Variants in ABCA5 observed in about 807,000 individuals in gnomAD.
ABCA5 encodes ATP binding cassette subfamily A member 5.
A neutral mutation model predicts 206.0 loss-of-function variants in ABCA5; 163 were observed. That is an observed-to-expected ratio of 0.79 (90% CI 0.70 to 0.90). The LOEUF is 0.90. Ranked by LOEUF, ABCA5 falls within the 40% of genes least tolerant of loss-of-function variation. The probability of loss-of-function intolerance (pLI) is 0.00; values close to 1 mark genes in which losing one functional copy is unlikely to be tolerated. For missense variants in ABCA5, 1,859 were observed against 1,912.9 expected, an observed-to-expected ratio of 0.97 and a Z score of 0.53; for synonymous variants, 609 against 613.8, an observed-to-expected ratio of 0.99 and a Z score of 0.11.
Position 69,254,443 on chromosome 17 carries a change from T to C in ABCA5, c.4116A>G (p.Ser1372=). Residue 1372 remains serine, a synonymous_variant, in exon 32 of 39, where the codon TCA becomes TCG. Coordinates refer to ENST00000392676, the MANE Select transcript of ABCA5 (RefSeq NM_172232.4). ...YSSETSEDDD[S]LKCMGYCPQI... ...GAGGACAGTAACCCATACACTTCAGTGAATCATCATCTTCACTTGTCTCTG... is the reference window on the plus strand; with the variant it reads ...GAGGACAGTAACCCATACACTTCAGCGAATCATCATCTTCACTTGTCTCTG... The C allele has an allele frequency of 1.2e-6, 2 of 1,613,294 alleles. No individual in the cohort carries two copies. Among genetic ancestry groups the C allele is most frequent in the Non-Finnish European group, 8.5e-7 (1 of 1,179,648 alleles).
chr17:69,313,218 C>G lies in ABCA5; in HGVS notation c.181G>C (p.Val61Leu). 6.5e-7 allele frequency: 1 copy of G among 1,548,890 alleles called. No homozygotes were observed. The highest frequency in any genetic ancestry group is 8.9e-7 in the Non-Finnish European group (1 of 1,123,126). The change falls in exon 3 of 39, where the codon GTG becomes CTG. Residue 61 changes from valine to leucine, a missense_variant. Transcript: ENST00000392676. ...ATAGGATTGAGTTCTATATTAGGCA[C>G]TTCTTCATATTTCTTATTTGGATGC... is the stretch of plus-strand genomic sequence containing the variant. The part of the protein sequence containing the change: ...MMHPNKKYEE[V>L]PNIELNPMDK...
intron 1 of ABCA5, among the ~76,000 whole-genome samples, chr17:69,318,187 T>C (rs1598210739): frequency 6.6e-6 from 1 of 151,698 alleles, no homozygotes; most frequent in Admixed American, 6.6e-5. Context: ...TCTCGGCTCC[T>C]GGGTTCAAGC....
chr17:69,298,435 C>T (rs937323488), intron 9 of ABCA5, among the ~76,000 whole-genome samples: 5 of 152,082 alleles, frequency 3.3e-5, no homozygotes, highest in South Asian at 2.1e-4. Context: ...ACCTACACTC[C>T]TCATTTTTTT....
In ABCA5 at chr17:69,251,944, G is replaced by A. The variant is rs368173901; in HGVS notation, c.4416-78C>T. ...AAAATGGGTTTTTAAAAATCCAACC[G>A]GTTGGTTAATTAAGTTAATTAAAAC... On this transcript the variant is annotated intron_variant, in intron 34 of 38. Transcript: ENST00000392676. The A allele has an allele frequency of 7.5e-5, 114 of 1,515,602 alleles. No homozygotes were observed. In the Middle Eastern group the frequency reaches 2.4e-3, roughly 32 times the overall value. 93.9% of individuals were successfully genotyped at this position (1,515,602 alleles called of 1,614,324 possible). A position where few individuals can be genotyped will look rare whatever the true frequency, so the allele number is the denominator to read the frequency against.
chr17:69,263,019 T>C (rs2075166433), intron 24 of ABCA5, among the ~76,000 whole-genome samples: 1 of 152,174 alleles, frequency 6.6e-6, no homozygotes, highest in Non-Finnish European at 1.5e-5. Context: ...ACATTTGTTG[T>C]CCATTTGCAT....
rs773009365 is a variant in ABCA5 at position 69,314,367 on chromosome 17, G to C, written c.49C>G (p.Leu17Val). 15 of 1,613,838 alleles carry C rather than the reference G, an allele frequency of 9.3e-6. No individual in the cohort carries two copies. In the South Asian group the frequency reaches 1.5e-4, roughly 17 times the overall value. The change falls in exon 2 of 39, where the codon CTT (leucine) becomes GTT (valine). Residue 17 changes from leucine (L) to valine (V), a missense_variant. Leu to Val is a conservative substitution (Grantham distance 32). Coordinates refer to ENST00000392676, the MANE Select transcript of ABCA5 (RefSeq NM_172232.4). Reference protein sequence around the residue: ...EVGVWRQTRTLLLKNYLIKCR... With the variant: ...EVGVWRQTRTVLLKNYLIKCR... Reference sequence around the variant, plus strand: ...TTAATTAAGTAATTCTTCAGTAGAAGTGTTCTGGTCTGTCTCCAAACTCCT... The same window carrying C: ...TTAATTAAGTAATTCTTCAGTAGAACTGTTCTGGTCTGTCTCCAAACTCCT...
chr17:69,292,557 A>C (rs1430460320), intron 11 of ABCA5, among the ~76,000 whole-genome samples: 8 of 152,220 alleles, frequency 5.3e-5, no homozygotes, highest in Non-Finnish European at 4.4e-5. Flanking sequence ...AAATAATTTT[A>C]CTGCATCCTT....
chr17:69,319,212 T>C (rs980027618), intron 1 of ABCA5, among the ~76,000 whole-genome samples: 2 of 152,114 alleles, frequency 1.3e-5, no homozygotes, highest in African/African-American at 4.8e-5. Context: ...AATACAAACA[T>C]AGAAACACTA....
chr17:69,263,645 T>A (rs2075174182), intron 24 of ABCA5, among the ~76,000 whole-genome samples: 1 of 151,498 alleles, frequency 6.6e-6, no homozygotes, highest in African/African-American at 2.4e-5. Flanking sequence ...TATAGTATAG[T>A]TTGAAGTCAG....
chr17:69,313,778 G>A (rs1038326303), intron 2 of ABCA5, among the ~76,000 whole-genome samples: 2 of 152,096 alleles, frequency 1.3e-5, no homozygotes, highest in Non-Finnish European at 2.9e-5. Context: ...GTAGAAATGA[G>A]CTATTATATC....
At chr17:69,303,631 A>C (rs2075675057) in intron 7 of ABCA5, among the ~76,000 whole-genome samples, 1 of 144,746 alleles carries the variant, frequency 6.9e-6, no homozygotes, top group African/African-American at 2.5e-5. Flanking sequence ...AAAAAGAAAA[A>C]AAAAACCAGA....
intron 1 of ABCA5, among the ~76,000 whole-genome samples, chr17:69,321,135 G>A (rs2075861834): frequency 6.6e-6 from 1 of 152,182 alleles, no homozygotes; most frequent in Non-Finnish European, 1.5e-5. Context: ...CAGGGAGTTA[G>A]GGTGGGAAAA....
At chr17:69,251,118 T>C (rs1000996814) in intron 35 of ABCA5, 2 of 153,120 alleles carry the variant, frequency 1.3e-5, no homozygotes, top group South Asian at 4.1e-4. Flanking sequence ...GTTATGGGTT[T>C]TGGAGAGAAT....
intron 38 of ABCA5, 92 bp downstream of exon 38, chr17:69,248,170 C>T (rs1321505036): frequency 1.5e-5 from 11 of 714,540 alleles, no homozygotes; most frequent in South Asian, 5.7e-5. Flanking sequence ...CACTGGTTTA[C>T]GATATCTCTC....
chr17:69,309,221 T>C, intron 4 of ABCA5, 41 bp downstream of exon 4: 2 of 1,448,652 alleles, frequency 1.4e-6, no homozygotes, highest in Non-Finnish European at 1.8e-6. Context: ...AGCAAAGATA[T>C]GCATTTAATT....
chr17:69,296,757 G>A (rs1034385797), intron 10 of ABCA5, among the ~76,000 whole-genome samples: 4 of 152,168 alleles, frequency 2.6e-5, no homozygotes, highest in Non-Finnish European at 4.4e-5. Flanking sequence ...CTGAGGCTAC[G>A]AATTCGAGAC....
In ABCA5 at chr17:69,289,848, T is replaced by C. The variant is rs753266463; in HGVS notation, c.1782+14A>G. On this transcript the variant is annotated intron_variant, in intron 13 of 38. Coordinates refer to ENST00000392676, the MANE Select transcript of ABCA5 (RefSeq NM_172232.4). ...CAGGAAATAAAAGTAAAGATTTCTA[T>C]ATGAATAGCATACTTCTTGTATTAT... 3.3e-5 allele frequency: 51 copies of C among 1,563,336 alleles called. No individual in the cohort carries two copies. The Middle Eastern group carries it at 5.5e-4, about 17-fold the overall frequency.
At position 69,302,681 on chromosome 17, in the gene ABCA5, A is replaced by C. The variant is rs745825556; in HGVS notation, c.1119+37T>G. 5 of 1,367,272 alleles carry C rather than the reference A, an allele frequency of 3.7e-6. No homozygotes were observed. The Admixed American group carries it at 1.4e-4, about 38-fold the overall frequency. The allele number at this position is 1,367,272 out of a possible 1,614,324, so 84.7% of individuals were successfully genotyped here. A position where few individuals can be genotyped will look rare whatever the true frequency, so the allele number is the denominator to read the frequency against. ...TAAGAAGCTACATAAAACAGAAAGAAAATATTTAGTGAATGCAAGATTAAT... is the reference window on the plus strand; with the variant it reads ...TAAGAAGCTACATAAAACAGAAAGACAATATTTAGTGAATGCAAGATTAAT... On this transcript the variant is annotated intron_variant, in intron 8 of 38. Transcript: ENST00000392676.
intron 1 of ABCA5, 37 bp from the exon 2 acceptor site, chr17:69,314,467 C>T: frequency 7.6e-7 from 1 of 1,316,166 alleles, no homozygotes; most frequent in South Asian, 1.2e-5. Flanking sequence ...AAACCCGGAG[C>T]CACGCAGTAA....
Sources: allele counts gnomAD v4.1 joint callset (sites outside exome capture counted in the v4.1 genomes callset), GRCh38; gene constraint gnomAD v4.1.1; transcripts MANE v1.5; gene names NCBI Gene and HGNC (gene_info 2026-07-23, HGNC 2026-07-21).